ZNF138: variants seen among roughly 807,000 people sequenced by gnomAD.
ZNF138 encodes zinc finger protein 138 (clone pHZ-32).
ZNF138 carries 33 observed loss-of-function variants against 33.0 expected under a neutral mutation model. The observed-to-expected ratio is 1.00, with a 90% CI of 0.76 to 1.34. The LOEUF (loss-of-function observed/expected upper bound fraction) is 1.34, where lower values mean the gene tolerates loss of function less well. ZNF138 is among the 40% of genes most tolerant of loss of function. The pLI, the probability that ZNF138 is intolerant of heterozygous loss-of-function variation, is 0.00. For synonymous variants in ZNF138, 139 were observed against 120.4 expected, an observed-to-expected ratio of 1.15 and a Z score of -1.01; for missense variants, 360 against 370.8, an observed-to-expected ratio of 0.97 and a Z score of 0.24.
At chr7:64,853,406 A>G in the ZNF138 span, 965,565 of 1,024,858 alleles carry the variant, frequency 0.94, 455,661 homozygotes, top group South Asian at 0.98. Context: ...TCCCTCTGCG[A>G]GTTGGCTGGG....
intron 1 of ZNF138, among the ~76,000 whole-genome samples, chr7:64,799,354 C>T (rs968311183): frequency 2.2e-4 from 33 of 151,806 alleles, no homozygotes; most frequent in Admixed American, 1.8e-3. Flanking sequence ...TTAGTAAAGA[C>T]GGGGTTTCTC....
At position 64,831,533 on chromosome 7, in the gene ZNF138, T is replaced by C. The variant is rs745628545; in HGVS notation, c.291T>C (p.Tyr97=). 1 of 1,613,104 alleles carries C rather than the reference T, an allele frequency of 6.2e-7. No individual in the cohort carries two copies. The highest frequency in any genetic ancestry group is 8.5e-7 in the Non-Finnish European group (1 of 1,179,686). Residue 97 remains tyrosine (Y), a synonymous_variant, in exon 4 of 4, where the codon TAT becomes TAC. Transcript: ENST00000307355. ...DSFQKVTLSR[Y]GKYGHKNLQL... ...TCCAAAAAGTGACACTGAGCAGATATGGAAAATATGGACATAAGAATTTAC... is the reference window on the plus strand; with the variant it reads ...TCCAAAAAGTGACACTGAGCAGATACGGAAAATATGGACATAAGAATTTAC...
At chr7:64,816,401 T>G (rs1788639860) in intron 3 of ZNF138, among the ~76,000 whole-genome samples, 1 of 151,824 alleles carries the variant, frequency 6.6e-6, no homozygotes, top group South Asian at 2.1e-4. Flanking sequence ...TGTAAAAATT[T>G]TTTACCTCTT....
intron 1 of ZNF138, among the ~76,000 whole-genome samples, chr7:64,807,282 T>A (rs1351026977): frequency 6.6e-6 from 1 of 152,216 alleles, no homozygotes; most frequent in Non-Finnish European, 1.5e-5. Context: ...ATTCCTCTAG[T>A]GCCCCTGGGT....
the ZNF138 span, among the ~76,000 whole-genome samples, chr7:64,851,328 C>G: frequency 0.013 from 1,930 of 152,074 alleles, 34 homozygotes; most frequent in African/African-American, 0.044. Flanking sequence ...TTTTATACAA[C>G]AGCAATTTAA....
intron 1 of ZNF138, chr7:64,814,191 C>T (rs1788421090): frequency 1.9e-6 from 2 of 1,031,540 alleles, no homozygotes; most frequent in Non-Finnish European, 1.2e-6. Context: ...TATTCCATAT[C>T]TTCAGAAAAA....
At chr7:64,853,821 G>A in the ZNF138 span, among the ~76,000 whole-genome samples, 174 of 151,582 alleles carry the variant, frequency 1.1e-3, 1 homozygote, top group African/African-American at 4.0e-3. Flanking sequence ...ATTATCCTCA[G>A]TTTGCAGAGA....
At chr7:64,818,547 C>T (rs1323918202) in intron 3 of ZNF138, among the ~76,000 whole-genome samples, 1 of 151,816 alleles carries the variant, frequency 6.6e-6, no homozygotes, top group Admixed American at 6.6e-5. Flanking sequence ...GCCAGGAGTT[C>T]GAGACCAGCC....
intron 3 of ZNF138, among the ~76,000 whole-genome samples, chr7:64,824,601 G>T (rs1789420621): frequency 6.6e-6 from 1 of 151,814 alleles, no homozygotes; most frequent in Non-Finnish European, 1.5e-5. Context: ...CTTGACTTTT[G>T]TCAATATTTG....
intron 3 of ZNF138, among the ~76,000 whole-genome samples, chr7:64,828,665 G>A (rs1188750828): frequency 6.6e-6 from 1 of 152,000 alleles, no homozygotes; most frequent in African/African-American, 2.4e-5. Context: ...GTATATATAT[G>A]TTGCATTCTA....
chr7:64,826,596 T>C (rs1425995742), intron 3 of ZNF138, among the ~76,000 whole-genome samples: 1 of 151,864 alleles, frequency 6.6e-6, no homozygotes, highest in Non-Finnish European at 1.5e-5. Flanking sequence ...TTTTTAAATG[T>C]GTGTATTTAT....
rs755212695 is a variant in ZNF138, at chr7:64,794,593, T to C, written c.3+22T>C. 4 of 1,613,292 alleles carry C rather than the reference T, an allele frequency of 2.5e-6. No homozygotes were observed. In the South Asian group the frequency reaches 3.3e-5, roughly 13 times the overall value. ...AATGGTGAGAGTGCTGGGTCCGACA[T>C]CCCGAGAGAGGGGGAGGGAGCTGGT... On this transcript the variant is annotated intron_variant, in intron 1 of 3. Coordinates refer to ENST00000307355, the MANE Select transcript of ZNF138 (RefSeq NM_001271639.2).
downstream of ZNF138, among the ~76,000 whole-genome samples, chr7:64,838,584 C>T (rs993262021): frequency 9.9e-5 from 15 of 152,098 alleles, no homozygotes; most frequent in South Asian, 2.1e-4. Flanking sequence ...GTACCTCAGC[C>T]GCCTCCTCTC....
In ZNF138 at chr7:64,832,858, C is replaced by T; in HGVS notation, c.*656C>T. On this transcript the variant is annotated 3_prime_UTR_variant, in exon 4 of 4. Transcript: ENST00000307355. ...TACAAATGTGAAGAATGTGGCATAT[C>T]TTTTAACCAGTTCTCACAACTTGCT... The T allele has an allele frequency of 2.3e-6, 1 of 427,888 alleles. No individual in the cohort carries two copies. The allele number at this position is 427,888 out of a possible 1,614,324, so 26.5% of individuals were successfully genotyped here.
At chr7:64,810,660 A>T (rs1788098639) in intron 1 of ZNF138, among the ~76,000 whole-genome samples, 1 of 152,164 alleles carries the variant, frequency 6.6e-6, no homozygotes. Context: ...GGGTAAGCTT[A>T]GCAAAAACAA....
the ZNF138 span, among the ~76,000 whole-genome samples, chr7:64,858,957 T>C: frequency 2.6e-5 from 4 of 152,126 alleles, no homozygotes; most frequent in African/African-American, 9.7e-5. Context: ...TTCATTTTTT[T>C]ATATCTTCTT....
chr7:64,811,494 C>T lies in ZNF138; in HGVS notation c.4-3424C>T, dbSNP rs566913882. 3.9e-5 allele frequency among the ~76,000 whole-genome samples: 6 copies of T among 152,188 alleles called. No homozygotes were observed. The South Asian group carries it at 8.3e-4, about 21-fold the overall frequency. On this transcript the variant is annotated intron_variant, in intron 1 of 3. Coordinates refer to ENST00000307355, the MANE Select transcript of ZNF138 (RefSeq NM_001271639.2). ...CTGAGTAGCTGGGATTACAGGCACC[C>T]GCCACCATGCCCAACTAATTTTTGT... is the stretch of plus-strand genomic sequence containing the variant.
At chr7:64,794,596 C>G (rs752809793) in intron 1 of ZNF138, 25 bp downstream of exon 1, 1 of 1,613,344 alleles carries the variant, frequency 6.2e-7, no homozygotes. Flanking sequence ...TCCGACATCC[C>G]GAGAGAGGGG....
chr7:64,833,774 G>T (rs1259863170), downstream of ZNF138: 2 of 152,128 alleles, frequency 1.3e-5, no homozygotes, highest in Non-Finnish European at 2.9e-5. Context: ...TCCCAGGCTG[G>T]AGTGCACTGG....
Sources: allele counts gnomAD v4.1 joint callset (sites outside exome capture counted in the v4.1 genomes callset), GRCh38; gene constraint gnomAD v4.1.1; transcripts MANE v1.5; gene names NCBI Gene and HGNC (gene_info 2026-07-23, HGNC 2026-07-21).